Variants in ZNF892 observed in about 807,000 individuals in gnomAD.
The protein encoded by ZNF892 is zinc finger protein 570-like.
the ZNF892 span, among the ~76,000 whole-genome samples, chr2:95,255,946 A>G: frequency 6.6e-6 from 1 of 152,026 alleles, no homozygotes; most frequent in Non-Finnish European, 1.5e-5. Context: ...CTCTTCCTCC[A>G]TCCCTTTATT....
the ZNF892 span, among the ~76,000 whole-genome samples, chr2:95,221,931 TC>T: frequency 6.6e-6 from 1 of 152,096 alleles, no homozygotes; most frequent in Non-Finnish European, 1.5e-5. Context: ...CCTCCCTCCC[TC>T]TCTCTTCCTC....
chr2:95,243,496 C>T, the ZNF892 span, among the ~76,000 whole-genome samples: 1 of 151,132 alleles, frequency 6.6e-6, no homozygotes, highest in Admixed American at 6.6e-5. Context: ...GCGCCTCTGC[C>T]CTGCCGCCCC....
the ZNF892 span, among the ~76,000 whole-genome samples, chr2:95,223,428 C>T: frequency 6.6e-6 from 1 of 152,052 alleles, no homozygotes; most frequent in South Asian, 2.1e-4. Context: ...CAAGGTCTCA[C>T]TCTCTCACCC....
chr2:95,244,964 A>G, the ZNF892 span, among the ~76,000 whole-genome samples: 1 of 152,238 alleles, frequency 6.6e-6, no homozygotes, highest in Non-Finnish European at 1.5e-5. Context: ...AAATGAAGGC[A>G]GAAATCAAGA....
chr2:95,244,283 T>C, the ZNF892 span, among the ~76,000 whole-genome samples: 1 of 149,356 alleles, frequency 6.7e-6, no homozygotes, highest in African/African-American at 2.5e-5. Flanking sequence ...CCCTCCACTA[T>C]TGTCCTGTGA....
chr2:95,207,255 C>T, the ZNF892 span, among the ~76,000 whole-genome samples: 1 of 152,214 alleles, frequency 6.6e-6, no homozygotes, highest in South Asian at 2.1e-4. Context: ...CGCCGCCTTC[C>T]GCCCTCACAG....
the ZNF892 span, among the ~76,000 whole-genome samples, chr2:95,218,493 A>G: frequency 2.0e-5 from 3 of 152,128 alleles, no homozygotes; most frequent in Admixed American, 1.3e-4. Context: ...CCTCATTGCC[A>G]TCTGAGACCT....
the ZNF892 span, among the ~76,000 whole-genome samples, chr2:95,229,372 A>G: frequency 6.6e-6 from 1 of 152,136 alleles, no homozygotes; most frequent in Non-Finnish European, 1.5e-5. Flanking sequence ...ACAACTAACC[A>G]TACAGACCCT....
the ZNF892 span, among the ~76,000 whole-genome samples, chr2:95,245,956 A>C: frequency 6.6e-6 from 1 of 152,212 alleles, no homozygotes; most frequent in African/African-American, 2.4e-5. Context: ...AGCTGGTACT[A>C]TTTCTACTGA....
At chr2:95,255,206 G>A in the ZNF892 span, among the ~76,000 whole-genome samples, 3 of 151,978 alleles carry the variant, frequency 2.0e-5, no homozygotes, top group African/African-American at 7.3e-5. Context: ...GCTTTCTCTT[G>A]TGGGCATTTA....
At chr2:95,245,443 G>A in the ZNF892 span, among the ~76,000 whole-genome samples, 16 of 67,954 alleles carry the variant, frequency 2.4e-4, no homozygotes, top group Non-Finnish European at 4.7e-4. Context: ...TTTTTTAGTA[G>A]AGACGGCGGG....
the ZNF892 span, among the ~76,000 whole-genome samples, chr2:95,261,295 T>A: frequency 2.0e-5 from 3 of 151,444 alleles, no homozygotes; most frequent in African/African-American, 7.3e-5. Flanking sequence ...CTTACACAAT[T>A]CTTTTTTTTT....
At chr2:95,251,771 A>T in the ZNF892 span, among the ~76,000 whole-genome samples, 1 of 152,258 alleles carries the variant, frequency 6.6e-6, no homozygotes, top group Non-Finnish European at 1.5e-5. Context: ...CAAAACTCTT[A>T]GGACATGAAA....
the ZNF892 span, among the ~76,000 whole-genome samples, chr2:95,236,426 C>T: frequency 6.6e-6 from 1 of 152,130 alleles, no homozygotes; most frequent in Non-Finnish European, 1.5e-5. Context: ...AAAGAATCAC[C>T]AATGTTTTAA....
At chr2:95,212,080 G>T in the ZNF892 span, 1 of 396,986 alleles carries the variant, frequency 2.5e-6, no homozygotes, top group African/African-American at 2.1e-5. Context: ...GAACACTGTT[G>T]AGGAAGAAAT....
chr2:95,245,407 C>T, the ZNF892 span, among the ~76,000 whole-genome samples: 86 of 140,288 alleles, frequency 6.1e-4, no homozygotes, highest in African/African-American at 1.9e-3. Flanking sequence ...CCACCACACC[C>T]GGCTAATTTT....
chr2:95,209,475 T>C, the ZNF892 span, among the ~76,000 whole-genome samples: 141 of 152,132 alleles, frequency 9.3e-4, no homozygotes, highest in African/African-American at 3.4e-3. Context: ...CCATAGCTGA[T>C]TGGAGAGAGA....
chr2:95,241,600 A>G, the ZNF892 span, among the ~76,000 whole-genome samples: 1 of 152,128 alleles, frequency 6.6e-6, no homozygotes, highest in Non-Finnish European at 1.5e-5. Flanking sequence ...CCTCCAAATG[A>G]CCACAACACC....
At chr2:95,256,872 T>G in the ZNF892 span, among the ~76,000 whole-genome samples, 1 of 152,248 alleles carries the variant, frequency 6.6e-6, no homozygotes, top group Non-Finnish European at 1.5e-5. Flanking sequence ...AATTGGCTAC[T>G]GAGGCTTGTG....
Sources: allele counts gnomAD v4.1 joint callset (sites outside exome capture counted in the v4.1 genomes callset), GRCh38; gene constraint gnomAD v4.1.1; transcripts MANE v1.5; gene names NCBI Gene and HGNC (gene_info 2026-07-23, HGNC 2026-07-21).